The following ELK4 variants were observed in gnomAD, a reference collection of about 807,000 sequenced individuals.
ELK4 encodes the protein ETS domain-containing protein Elk-4.
ELK4 carries 16 observed loss-of-function variants against 29.6 expected under a neutral mutation model. The ratio of observed to expected loss-of-function variants is 0.54; its 90% CI spans 0.37 to 0.82. The LOEUF is 0.82. Ranked by LOEUF, ELK4 falls within the 40% of genes least tolerant of loss-of-function variation. The pLI, the probability that ELK4 is intolerant of heterozygous loss-of-function variation, is 0.00. For missense variants in ELK4, 465 were observed against 507.1 expected (o/e 0.92, Z 0.80); for synonymous variants, 213 against 191.1 (o/e 1.11, Z -0.95).
At position 205,625,603 on chromosome 1, in the gene ELK4, G is replaced by T. The variant is rs189031097; in HGVS notation, c.-9-1712C>A. ...ATAGTAGAAAAGGCTCCCAAAGCTC[G>T]GATAGGAGACCTGGACCAAAAGAAA... On this transcript the variant is annotated intron_variant, in intron 1 of 4. Transcript: ENST00000357992. 5 of 1,237,220 alleles carry T rather than the reference G, an allele frequency of 4.0e-6. No individual in the cohort carries two copies. The South Asian group carries it at 6.0e-5, about 15-fold the overall frequency. The allele number at this position is 1,237,220 out of a possible 1,614,324, so 76.6% of individuals were successfully genotyped here. A position where few individuals can be genotyped will look rare whatever the true frequency, so the allele number is the denominator to read the frequency against.
chr1:205,630,325 G>C (rs1670555844), intron 1 of ELK4, among the ~76,000 whole-genome samples: 1 of 152,162 alleles, frequency 6.6e-6, no homozygotes, highest in Non-Finnish European at 1.5e-5. Flanking sequence ...GGAGCATGTT[G>C]AAGTAATGTA....
In ELK4 at chr1:205,620,060, G is replaced by A. The variant is rs759907676; in HGVS notation, c.986C>T (p.Pro329Leu). The change falls in exon 3 of 5, where the codon CCC becomes CTC. Residue 329 changes from proline (P) to leucine (L), a missense_variant. Transcript: ENST00000357992. ...ATCACTGCTCGTGATCACAAGGGTG[G>A]GTGCCAGTTCTAACCCTTTGGGTTT... ...SKKPKGLELA[P>L]TLVITSSDPS... is the part of the protein sequence containing the mutation. The A allele has an allele frequency of 2.5e-5, 41 of 1,614,080 alleles. No homozygotes were observed. The highest frequency in any genetic ancestry group is 2.1e-5 in the Non-Finnish European group (25 of 1,180,046).
rs551259640 is a variant in ELK4, at chr1:205,629,747, G to A, written c.-10+1885C>T. ...ATAAATAAATAAAATAAAAGCTAAA[G>A]AAAAAAAATCCCCTAAGACAGTTAT... On this transcript the variant is annotated intron_variant, in intron 1 of 4. Coordinates refer to ENST00000357992, the MANE Select transcript of ELK4 (RefSeq NM_001973.4). Among the ~76,000 whole-genome samples, 7 of 151,840 alleles carry A rather than the reference G, an allele frequency of 4.6e-5. No individual in the cohort carries two copies. The East Asian group carries it at 1.4e-3, about 29-fold the overall frequency.
rs1414683251 is a variant in ELK4 at position 205,613,325 on chromosome 1, T to C, written c.*3221A>G. On this transcript the variant is annotated 3_prime_UTR_variant, in exon 5 of 5. Coordinates refer to ENST00000357992, the MANE Select transcript of ELK4 (RefSeq NM_001973.4). ...TCTCTAAAAAATTAAATTAAAGGAT[T>C]ACTGAAAGATCTCATTTCTAAAAAA... is the stretch of plus-strand genomic sequence containing the variant. The C allele has an allele frequency of 1.1e-5, 2 of 188,676 alleles. No individual in the cohort carries two copies. The highest frequency in any genetic ancestry group is 2.2e-5 in the Non-Finnish European group (2 of 89,850). The allele number at this position is 188,676 out of a possible 1,614,324, so 11.7% of individuals were successfully genotyped here. A position where few individuals can be genotyped will look rare whatever the true frequency, so the allele number is the denominator to read the frequency against.
At chr1:205,628,576 T>C (rs1447442751) in intron 1 of ELK4, among the ~76,000 whole-genome samples, 2 of 152,238 alleles carry the variant, frequency 1.3e-5, no homozygotes, top group Non-Finnish European at 2.9e-5. Flanking sequence ...ATACCTATTA[T>C]GTAGATAACA....
chr1:205,609,718 A>C lies in ELK4; in HGVS notation c.*6828T>G, dbSNP rs1303503619. Reference sequence around the variant, plus strand: ...AGCAACAATGACCAAACAGAAAAGAAACTTAAAATTGGATACTTTATAAAT... The same window carrying C: ...AGCAACAATGACCAAACAGAAAAGACACTTAAAATTGGATACTTTATAAAT... On this transcript the variant is annotated 3_prime_UTR_variant, in exon 5 of 5. Transcript: ENST00000357992. 4.8e-6 allele frequency: 1 copy of C among 208,346 alleles called. No homozygotes were observed. The highest frequency in any genetic ancestry group is 2.3e-5 in the African/African-American group (1 of 44,022). 12.9% of individuals were successfully genotyped at this position (208,346 alleles called of 1,614,324 possible).
In ELK4 at chr1:205,614,626, A is replaced by ATATGTTCCCTCTACTACTAC. The variant is rs1670201049; in HGVS notation, c.*1900_*1919dup. 1 of 227,324 alleles carries ATATGTTCCCTCTACTACTAC rather than the reference A, an allele frequency of 4.4e-6. No individual in the cohort carries two copies. The highest frequency in any genetic ancestry group is 6.3e-5 in the East Asian group (1 of 15,756). 14.1% of individuals were successfully genotyped at this position (227,324 alleles called of 1,614,324 possible). A position where few individuals can be genotyped will look rare whatever the true frequency, so the allele number is the denominator to read the frequency against. The stretch of plus-strand genomic sequence containing the variant: ...TACAGATATAAAGGCAGCTCACTGA[A>ATATGTTCCCTCTACTACTAC]TATGTTCCCTCTACTACTACTAAGT... On this transcript the variant is annotated 3_prime_UTR_variant, in exon 5 of 5. Coordinates refer to ENST00000357992, the MANE Select transcript of ELK4 (RefSeq NM_001973.4).
At position 205,625,556 on chromosome 1, in the gene ELK4, A is replaced by C; in HGVS notation, c.-9-1665T>G. The C allele has an allele frequency of 3.5e-6, 3 of 850,110 alleles. No individual in the cohort carries two copies. In the South Asian group the frequency reaches 3.9e-5, roughly 11 times the overall value. 52.7% of individuals were successfully genotyped at this position (850,110 alleles called of 1,614,324 possible). A position where few individuals can be genotyped will look rare whatever the true frequency, so the allele number is the denominator to read the frequency against. ...CCGAGAGCAAGAAGACTGGAAAGAA[A>C]TACCCGGACCGGGTGCCGGTGATAG... is the stretch of plus-strand genomic sequence containing the variant. On this transcript the variant is annotated intron_variant, in intron 1 of 4. Transcript: ENST00000357992.
At chr1:205,621,020 C>T (rs1463025421) in intron 2 of ELK4, among the ~76,000 whole-genome samples, 182 bp from the exon 3 acceptor site, 1 of 151,686 alleles carries the variant, frequency 6.6e-6, no homozygotes, top group African/African-American at 2.4e-5. Flanking sequence ...CATGGTGAAA[C>T]CCCGTCTCCA....
chr1:205,624,722 GTACAC>G (rs1220921633), intron 1 of ELK4, among the ~76,000 whole-genome samples: 1 of 152,106 alleles, frequency 6.6e-6, no homozygotes, highest in Non-Finnish European at 1.5e-5. Flanking sequence ...AAGCTGTCCT[GTACAC>G]TGCAGTTTGT....
intron 3 of ELK4, chr1:205,619,405 T>C (rs1670288696): frequency 1.9e-6 from 2 of 1,060,496 alleles, no homozygotes; most frequent in East Asian, 5.5e-5. Flanking sequence ...TAAAGTCTTT[T>C]CCAAATAGAA....
In ELK4 at chr1:205,619,693, A is replaced by T. The variant is rs147692178; in HGVS notation, c.1080+273T>A. On this transcript the variant is annotated intron_variant, in intron 3 of 4. Coordinates refer to ENST00000357992, the MANE Select transcript of ELK4 (RefSeq NM_001973.4). Reference sequence around the variant, plus strand: ...TTATAAGACCGAGAGAGAGCGAGAGAGTGTGTGTACTTTCTTTAGGAGGAA... The same window carrying T: ...TTATAAGACCGAGAGAGAGCGAGAGTGTGTGTGTACTTTCTTTAGGAGGAA... The T allele has an allele frequency of 1.9e-4, 276 of 1,422,956 alleles. 2 individuals are homozygous for T. In the East Asian group the frequency reaches 2.9e-3, roughly 15 times the overall value. The allele number at this position is 1,422,956 out of a possible 1,614,324, so 88.1% of individuals were successfully genotyped here. A position where few individuals can be genotyped will look rare whatever the true frequency, so the allele number is the denominator to read the frequency against.
At chr1:205,617,004 G>A (rs112257725) in intron 4 of ELK4, among the ~76,000 whole-genome samples, 1 of 152,224 alleles carries the variant, frequency 6.6e-6, no homozygotes, top group Non-Finnish European at 1.5e-5. Flanking sequence ...TTCAATTATG[G>A]AGCAAATCAT....
rs1670102069 is a variant in ELK4, at chr1:205,608,222, C to T, written c.*8324G>A. ...TGGGAAGTGATAGAAAAAATGATCA[C>T]CTGATTGGTCAGAGCAACCCCTTAC... On this transcript the variant is annotated 3_prime_UTR_variant, in exon 5 of 5. Transcript: ENST00000357992. 5.3e-6 allele frequency: 1 copy of T among 188,196 alleles called. No individual in the cohort carries two copies. The highest frequency in any genetic ancestry group is 2.3e-5 in the African/African-American group (1 of 42,736). 11.7% of individuals were successfully genotyped at this position (188,196 alleles called of 1,614,324 possible). A position where few individuals can be genotyped will look rare whatever the true frequency, so the allele number is the denominator to read the frequency against.
At chr1:205,619,225 A>G in intron 3 of ELK4, 152 bp from the exon 4 acceptor site, 1 of 1,116,292 alleles carries the variant, frequency 9.0e-7, no homozygotes, top group East Asian at 3.4e-5. Context: ...AAACTCAAAA[A>G]TTATTTTTAC....
In ELK4 at chr1:205,611,511, A is replaced by G. The variant is rs1670150846; in HGVS notation, c.*5035T>C. 4.8e-6 allele frequency: 1 copy of G among 207,890 alleles called. No individual in the cohort carries two copies. Among genetic ancestry groups the G allele is most frequent in the African/African-American group, 2.3e-5 (1 of 43,900 alleles). 12.9% of individuals were successfully genotyped at this position (207,890 alleles called of 1,614,324 possible). A position where few individuals can be genotyped will look rare whatever the true frequency, so the allele number is the denominator to read the frequency against. ...AATAACAAAACATTTGTTGATCCCA[A>G]ACCAAGAATATAATTCTATTTTCCA... On this transcript the variant is annotated 3_prime_UTR_variant, in exon 5 of 5. Coordinates refer to ENST00000357992, the MANE Select transcript of ELK4 (RefSeq NM_001973.4).
Position 205,623,741 on chromosome 1 carries a change from G to C in ELK4, c.142C>G (p.Arg48Gly), listed in dbSNP as rs376312178. Residue 48 changes from arginine (R) to glycine (G), a missense_variant, in exon 2 of 5, where the codon CGC (arginine) becomes GGC (glycine). By Grantham distance (125) the Arg-to-Gly change is moderately radical. This residue lies in a region of ELK4 where 385 missense variants were observed against 387.5 expected (regional missense o/e 0.99). Transcript: ENST00000357992. Reference protein sequence around the residue: ...AEEVARLWGIRKNKPNMNYDK... With the variant: ...AEEVARLWGIGKNKPNMNYDK... ...TAATTCATGTTAGGCTTGTTCTTGC[G>C]AATCCCCCAGAGACGAGCCACCTCT... 6.2e-7 allele frequency: 1 copy of C among 1,614,096 alleles called. No individual in the cohort carries two copies. The highest frequency in any genetic ancestry group is 8.5e-7 in the Non-Finnish European group (1 of 1,180,024).
rs11240540 is a variant in ELK4, at chr1:205,612,725, C to T, written c.*3821G>A. On this transcript the variant is annotated 3_prime_UTR_variant, in exon 5 of 5. Coordinates refer to ENST00000357992, the MANE Select transcript of ELK4 (RefSeq NM_001973.4). ...GATGAAACAATGTTGTCAGACTGGA[C>T]GTCACACAATGCAGGGGTGAATGGA... 0.027 allele frequency: 5,734 copies of T among 209,938 alleles called. 119 individuals are homozygous for T. Among genetic ancestry groups the T allele is most frequent in the African/African-American group, 0.054 (2,383 of 44,130 alleles). 13.0% of individuals were successfully genotyped at this position (209,938 alleles called of 1,614,324 possible).
At chr1:205,619,333 T>A in intron 3 of ELK4, 1 of 1,070,322 alleles carries the variant, frequency 9.3e-7, no homozygotes, top group Non-Finnish European at 1.1e-6. Flanking sequence ...GTTACATGGA[T>A]GAGTTCTTTG....
Sources: gnomAD v4.1 joint callset for allele counts (sites outside exome capture counted in the v4.1 genomes callset) on GRCh38, gnomAD v4.1.1 for gene constraint, gnomAD v4.1.1 regional missense constraint, MANE v1.5 for transcripts, NCBI Gene and HGNC (gene_info 2026-07-23, HGNC 2026-07-21) for gene names.